Variants in SLIT2 observed in about 807,000 individuals in gnomAD.
SLIT2 encodes the protein slit guidance ligand 2, also known as slit homolog 2 protein.
SLIT2 carries 41 observed loss-of-function variants against 185.7 expected under a neutral mutation model. The observed-to-expected ratio is 0.22, with a 90% CI of 0.17 to 0.29. The LOEUF (loss-of-function observed/expected upper bound fraction) is 0.29. Among genes scored for constraint, SLIT2 ranks in the 10% least tolerant of loss-of-function variants. SLIT2 has a pLI of 1.00. For missense variants in SLIT2, 1,571 were observed against 1,909.0 expected, an observed-to-expected ratio of 0.82 and a Z score of 3.30; for synonymous variants, 693 against 680.2, an observed-to-expected ratio of 1.02 and a Z score of -0.29.
At chr4:20,470,484 CTGTGTGTGTG>C (rs540814034) in intron 5 of SLIT2, among the ~76,000 whole-genome samples, 17,598 of 129,186 alleles carry the variant, frequency 0.14, 1,198 homozygotes, top group Admixed American at 0.17. Flanking sequence ...GCAGTGGAGT[CTGTGTGTGTG>C]TGTGTGTGTG....
At chr4:20,555,785 G>A (rs1240727883) in intron 26 of SLIT2, among the ~76,000 whole-genome samples, 1 of 151,636 alleles carries the variant, frequency 6.6e-6, no homozygotes, top group East Asian at 1.9e-4. Flanking sequence ...GTATCTGGTG[G>A]AATCTAAATA....
chr4:20,346,448 G>C (rs1721420832), intron 4 of SLIT2, among the ~76,000 whole-genome samples: 2 of 152,138 alleles, frequency 1.3e-5, no homozygotes, highest in Admixed American at 6.5e-5. Context: ...ATGAACCACT[G>C]TTAAAATCTG....
rs150652696 is a variant in SLIT2 at position 20,254,797 on chromosome 4, C to A, written c.179+803C>A. 412 of 404,616 alleles carry A rather than the reference C, an allele frequency of 1.0e-3. 1 individual carries two copies. Among genetic ancestry groups the A allele is most frequent in the Admixed American group, 1.4e-3 (55 of 38,190 alleles). The allele number at this position is 404,616 out of a possible 1,614,324, so 25.1% of individuals were successfully genotyped here. A position where few individuals can be genotyped will look rare whatever the true frequency, so the allele number is the denominator to read the frequency against. ...GCCCGGCTGCCCCCTCCGGCCCTTC[C>A]TGCTGAACCCCTGCGTCCCCATCCA... On this transcript the variant is annotated intron_variant, in intron 1 of 36. Coordinates refer to ENST00000504154, the MANE Select transcript of SLIT2 (RefSeq NM_004787.4). The surrounding 1 kb of genome is among the most constrained non-coding windows in gnomAD (Gnocchi z 5.1).
At position 20,529,094 on chromosome 4, in the gene SLIT2, A is replaced by G. The variant is rs2148857559; in HGVS notation, c.1608A>G (p.Ala536=). The change falls in exon 16 of 37, where the codon GCA becomes GCG. Residue 536 remains alanine, a synonymous_variant. Transcript: ENST00000504154. ...CGGAGCACATTCCCCAGTACACTGC[A>G]GAGTTGTAAGTTCATCCCCCAACAA... The part of the protein sequence containing the change: ...KIPEHIPQYT[A]ELRLNNNEFT... 2 of 1,600,036 alleles carry G rather than the reference A, an allele frequency of 1.2e-6. No homozygotes were observed. Among genetic ancestry groups the G allele is most frequent in the Non-Finnish European group, 1.7e-6 (2 of 1,170,866 alleles).
intron 11 of SLIT2, among the ~76,000 whole-genome samples, chr4:20,514,702 A>G (rs35732482): frequency 0.12 from 18,043 of 148,324 alleles, 1,461 homozygotes; most frequent in South Asian, 0.28. Context: ...CATCTCTTAG[A>G]GATAAGTGGA....
intron 32 of SLIT2, among the ~76,000 whole-genome samples, chr4:20,597,610 T>C (rs1728088627): frequency 6.6e-6 from 1 of 152,208 alleles, no homozygotes; most frequent in Non-Finnish European, 1.5e-5. Context: ...CAAATGACTT[T>C]AGCCAGTTTC....
chr4:20,536,230 A>G (rs1007658218), intron 18 of SLIT2, among the ~76,000 whole-genome samples: 1 of 152,122 alleles, frequency 6.6e-6, no homozygotes, highest in African/African-American at 2.4e-5. Context: ...TGAGGGCATA[A>G]GACATTACTG....
intron 5 of SLIT2, among the ~76,000 whole-genome samples, chr4:20,480,295 G>A (rs1240650902): frequency 6.6e-6 from 1 of 152,162 alleles, no homozygotes; most frequent in Non-Finnish European, 1.5e-5. Flanking sequence ...TTAACATGCA[G>A]CTGGGCTTCT....
At position 20,459,863 on chromosome 4, in the gene SLIT2, A is replaced by T. The variant is rs866474769; in HGVS notation, c.396-7889A>T. ...CATCTTGCAAATTGCCATGTTTGGA[A>T]TTTTTTTTTTTTTTTTTGAGATGGG... On this transcript the variant is annotated intron_variant, in intron 4 of 36. Coordinates refer to ENST00000504154, the MANE Select transcript of SLIT2 (RefSeq NM_004787.4). Among the ~76,000 whole-genome samples the T allele has an allele frequency of 7.2e-5, 10 of 138,902 alleles. No individual in the cohort carries two copies. The South Asian group carries it at 9.1e-4, about 13-fold the overall frequency. 91.1% of individuals were successfully genotyped at this position (138,902 alleles called of 152,430 possible). A position where few individuals can be genotyped will look rare whatever the true frequency, so the allele number is the denominator to read the frequency against.
At chr4:20,357,913 C>T (rs925151051) in intron 4 of SLIT2, among the ~76,000 whole-genome samples, 1 of 152,026 alleles carries the variant, frequency 6.6e-6, no homozygotes, top group Non-Finnish European at 1.5e-5. Flanking sequence ...TTAATAACAT[C>T]ATATCCATTC....
chr4:20,290,394 T>C (rs1257941559), intron 4 of SLIT2, among the ~76,000 whole-genome samples: 1 of 152,204 alleles, frequency 6.6e-6, no homozygotes, highest in African/African-American at 2.4e-5. Context: ...ACAATTTGCA[T>C]AGCATTTACA....
intron 9 of SLIT2, among the ~76,000 whole-genome samples, chr4:20,492,245 G>T (rs977398726): frequency 1.3e-5 from 2 of 152,134 alleles, no homozygotes; most frequent in South Asian, 2.1e-4. Context: ...ACCAAGCTGG[G>T]GTTAGTAAAC....
At chr4:20,283,336 A>G (rs1351681989) in intron 4 of SLIT2, among the ~76,000 whole-genome samples, 3 of 152,154 alleles carry the variant, frequency 2.0e-5, no homozygotes, top group Admixed American at 6.5e-5. Context: ...CTCACTCTAT[A>G]GAGAGGGTGT....
At chr4:20,452,774 T>C (rs939542748) in intron 4 of SLIT2, among the ~76,000 whole-genome samples, 1 of 152,218 alleles carries the variant, frequency 6.6e-6, no homozygotes, top group African/African-American at 2.4e-5. Flanking sequence ...CAAGGTGGTG[T>C]GCTTGGGAGA....
intron 9 of SLIT2, among the ~76,000 whole-genome samples, chr4:20,504,973 A>C (rs1289323795): frequency 6.6e-6 from 1 of 152,108 alleles, no homozygotes; most frequent in Non-Finnish European, 1.5e-5. Flanking sequence ...AGGGTTCAGT[A>C]CAATCTGTGG....
chr4:20,589,885 G>A lies in SLIT2; in HGVS notation c.3182+148G>A, dbSNP rs374425923. On this transcript the variant is annotated intron_variant, in intron 30 of 36. Transcript: ENST00000504154. ...GTATCAGTGACATTTTTTAAATGTC[G>A]ATATACAATATGGACTTTTTTTTTT... 1.1e-3 allele frequency: 470 copies of A among 447,334 alleles called. 4 individuals carry two copies. The highest frequency in any genetic ancestry group is 7.4e-3 in the Middle Eastern group (16 of 2,164). The allele number at this position is 447,334 out of a possible 1,614,324, so 27.7% of individuals were successfully genotyped here.
At chr4:20,492,427 G>A (rs1717863582) in intron 9 of SLIT2, among the ~76,000 whole-genome samples, 1 of 152,212 alleles carries the variant, frequency 6.6e-6, no homozygotes, top group African/African-American at 2.4e-5. Flanking sequence ...ATTTGAAGCA[G>A]TGTCTACCTC....
intron 4 of SLIT2, among the ~76,000 whole-genome samples, chr4:20,364,674 CAGAT>C (rs916619887): frequency 7.9e-5 from 12 of 151,762 alleles, no homozygotes; most frequent in African/African-American, 1.9e-4. Context: ...TATTTGCAAA[CAGAT>C]AGTTTCTGTG....
intron 4 of SLIT2, among the ~76,000 whole-genome samples, chr4:20,425,920 T>C (rs1474406664): frequency 6.6e-6 from 1 of 152,234 alleles, no homozygotes; most frequent in African/African-American, 2.4e-5. Context: ...ATCCTTTGTA[T>C]GACCATGAGT....
Sources: allele counts gnomAD v4.1 joint callset (sites outside exome capture counted in the v4.1 genomes callset), GRCh38; gene constraint gnomAD v4.1.1; non-coding constraint Gnocchi (gnomAD v3.1); transcripts MANE v1.5; gene names NCBI Gene and HGNC (gene_info 2026-07-23, HGNC 2026-07-21).